MTARC1: variants seen among roughly 807,000 people sequenced by gnomAD.
The protein encoded by MTARC1 is mitochondrial amidoxime reducing component 1.
Under a neutral mutation model 33.6 loss-of-function variants are expected in MTARC1, and 24 were observed. That is an observed-to-expected ratio of 0.72 (90% CI 0.52 to 1.01). MTARC1 has a LOEUF of 1.01. MTARC1 is among the 50% of genes least tolerant of loss of function. The probability of loss-of-function intolerance (pLI) is 0.00; values close to 1 mark genes in which losing one functional copy is unlikely to be tolerated. For synonymous variants in MTARC1, 187 were observed against 189.5 expected (o/e 0.99, Z 0.11); for missense variants, 417 against 445.7 (o/e 0.94, Z 0.58).
At chr1:220,788,821 C>T (rs773696588) in intron 1 of MTARC1, among the ~76,000 whole-genome samples, 7 of 150,610 alleles carry the variant, frequency 4.6e-5, no homozygotes, top group East Asian at 3.9e-4. Flanking sequence ...ATCCATGTTT[C>T]GTATAGTAGG....
rs201892268 is a variant in MTARC1 at position 220,787,175 on chromosome 1, G to C, written c.231G>C (p.Ala77=). The stretch of plus-strand genomic sequence containing the variant: ...GCAAGGGGGTGCCGGTGAGCGAGGC[G>C]GAGTGCACGGCCATGGGGCTGCGCA... The part of the protein sequence containing the change: ...KSCKGVPVSE[A]ECTAMGLRSG... Residue 77 remains alanine (A), a synonymous_variant, in exon 1 of 7, where the codon GCG becomes GCC. Coordinates refer to ENST00000366910, the MANE Select transcript of MTARC1 (RefSeq NM_022746.4). The C allele has an allele frequency of 5.7e-6, 9 of 1,580,036 alleles. No individual in the cohort carries two copies. The highest frequency in any genetic ancestry group is 7.7e-6 in the Non-Finnish European group (9 of 1,163,842).
At chr1:220,803,959 T>A (rs1672891322) in intron 4 of MTARC1, among the ~76,000 whole-genome samples, 1 of 152,182 alleles carries the variant, frequency 6.6e-6, no homozygotes, top group Admixed American at 6.5e-5. Flanking sequence ...GTCATATATA[T>A]CAAGAATAAC....
At chr1:220,807,144 A>C (rs1458037725) in intron 6 of MTARC1, among the ~76,000 whole-genome samples, 1 of 152,236 alleles carries the variant, frequency 6.6e-6, no homozygotes, top group Non-Finnish European at 1.5e-5. Context: ...CACCTCAAAA[A>C]AAAAAGCAAA....
chr1:220,790,304 C>A (rs922067176), intron 1 of MTARC1, among the ~76,000 whole-genome samples: 1 of 151,974 alleles, frequency 6.6e-6, no homozygotes, highest in Non-Finnish European at 1.5e-5. Flanking sequence ...ATGGCTGGAG[C>A]AACAGCTGGA....
chr1:220,804,130 G>A (rs1273380952), intron 4 of MTARC1, among the ~76,000 whole-genome samples: 1 of 152,054 alleles, frequency 6.6e-6, no homozygotes, highest in Non-Finnish European at 1.5e-5. Flanking sequence ...CCTCCTCAGC[G>A]CCCTTCCTTC....
chr1:220,793,043 TAAG>T (rs1672480478), intron 2 of MTARC1: 1 of 152,198 alleles, frequency 6.6e-6, no homozygotes, highest in Non-Finnish European at 1.5e-5. Flanking sequence ...TTGCTTGAAA[TAAG>T]AATATGGATC....
Position 220,788,751 on chromosome 1 carries a change from T to A in MTARC1, c.275+1532T>A, listed in dbSNP as rs540363716. On this transcript the variant is annotated intron_variant, in intron 1 of 6. Coordinates refer to ENST00000366910, the MANE Select transcript of MTARC1 (RefSeq NM_022746.4). Reference sequence around the variant, plus strand: ...TTGCAGAGCTCCACTGTGGCAGAGATCTCGCCACTGCACTCCAGTCTGAGC... The same window carrying A: ...TTGCAGAGCTCCACTGTGGCAGAGAACTCGCCACTGCACTCCAGTCTGAGC... 4.7e-5 allele frequency among the ~76,000 whole-genome samples: 7 copies of A among 149,194 alleles called. 1 individual carries two copies. In the South Asian group the frequency reaches 1.3e-3, roughly 27 times the overall value.
Position 220,815,530 on chromosome 1 carries a change from G to C in MTARC1, c.*2112G>C, listed in dbSNP as rs963419228. 2 of 152,248 alleles carry C rather than the reference G, an allele frequency of 1.3e-5. No individual in the cohort carries two copies. The highest frequency in any genetic ancestry group is 4.8e-5 in the African/African-American group (2 of 41,458). The allele number at this position is 152,248 out of a possible 1,614,324, so 9.4% of individuals were successfully genotyped here. On this transcript the variant is annotated 3_prime_UTR_variant, in exon 7 of 7. Transcript: ENST00000366910. Reference sequence around the variant, plus strand: ...CAGACCTGTCCTTCTGTGCCTCACAGTGTGAGGAAGATTCCTGTTTGAAGA... The same window carrying C: ...CAGACCTGTCCTTCTGTGCCTCACACTGTGAGGAAGATTCCTGTTTGAAGA...
At chr1:220,798,406 C>T (rs1672688617) in intron 4 of MTARC1, 1 of 1,175,544 alleles carries the variant, frequency 8.5e-7, no homozygotes, top group South Asian at 1.7e-5. Flanking sequence ...TTGGAGAAGA[C>T]AGGCATTTAC....
At chr1:220,789,802 A>G (rs1296326229) in intron 1 of MTARC1, among the ~76,000 whole-genome samples, 1 of 152,258 alleles carries the variant, frequency 6.6e-6, no homozygotes, top group East Asian at 1.9e-4. Context: ...TAATTGAAAT[A>G]AGCTAGACAC....
chr1:220,813,298 CCA>C lies in MTARC1; in HGVS notation c.895_896del (p.Gln299ValfsTer2). On this transcript the variant is annotated frameshift_variant, in exon 7 of 7. Coordinates refer to ENST00000366910, the MANE Select transcript of MTARC1 (RefSeq NM_022746.4). LOFTEE classifies it low-confidence loss of function (END_TRUNC). Reference protein sequence around the residue: ...EPLETLKSYRQCDPSERKLYG... With the variant: ...EPLETLKSYRXCDPSERKLYG... ...TGATCTTTTCCTATTGCAGTTATCG[CCA>C]GTGTGACCCTTCAGAACGAAAGTTA... 6.2e-7 allele frequency: 1 copy of C among 1,614,044 alleles called. No individual in the cohort carries two copies.
rs192692604 is a variant in MTARC1 at position 220,804,577 on chromosome 1, C to G, written c.754-475C>G. Among the ~76,000 whole-genome samples the G allele has an allele frequency of 1.3e-3, 205 of 152,180 alleles. 1 individual carries two copies. Among genetic ancestry groups the G allele is most frequent in the African/African-American group, 4.8e-3 (200 of 41,514 alleles). On this transcript the variant is annotated intron_variant, in intron 4 of 6. Transcript: ENST00000366910. ...CTGCTGGTCCTGCTCCTGATGTGTCCGTATCTGGCTAGGGGAGACATGCAC... is the reference window on the plus strand; with the variant it reads ...CTGCTGGTCCTGCTCCTGATGTGTCGGTATCTGGCTAGGGGAGACATGCAC...
At chr1:220,790,937 A>G (rs939843798) in intron 1 of MTARC1, 3 of 152,330 alleles carry the variant, frequency 2.0e-5, no homozygotes, top group Non-Finnish European at 2.9e-5. Flanking sequence ...CAGAATGGAC[A>G]GCACTGAATG....
At chr1:220,808,729 A>G (rs1024485230) in intron 6 of MTARC1, 13 of 436,212 alleles carry the variant, frequency 3.0e-5, no homozygotes, top group African/African-American at 6.1e-5. Flanking sequence ...GTGGTACAGC[A>G]GTGGGAGGAA....
At chr1:220,795,445 C>T (rs566872308) in intron 2 of MTARC1, among the ~76,000 whole-genome samples, 1 of 152,302 alleles carries the variant, frequency 6.6e-6, no homozygotes, top group Admixed American at 6.5e-5. Flanking sequence ...GTAGGCCAAA[C>T]CATAAACCAC....
At chr1:220,792,636 A>G (rs1264553867) in intron 2 of MTARC1, among the ~76,000 whole-genome samples, 1 of 148,762 alleles carries the variant, frequency 6.7e-6, no homozygotes, top group African/African-American at 2.5e-5. Flanking sequence ...ATTGTTGAAA[A>G]TTTGGGAAAT....
At chr1:220,802,053 T>G (rs1351954748) in intron 4 of MTARC1, among the ~76,000 whole-genome samples, 1 of 152,056 alleles carries the variant, frequency 6.6e-6, no homozygotes, top group Non-Finnish European at 1.5e-5. Flanking sequence ...TACTGAAACG[T>G]TTCTCCTTTA....
chr1:220,787,693 C>T (rs922576335), intron 1 of MTARC1, among the ~76,000 whole-genome samples: 3 of 152,256 alleles, frequency 2.0e-5, no homozygotes, highest in South Asian at 4.1e-4. Flanking sequence ...GTAATGACAG[C>T]AGTTCAACGA....
chr1:220,798,139 A>G (rs753189981), intron 4 of MTARC1, 125 bp downstream of exon 4: 2 of 1,608,370 alleles, frequency 1.2e-6, no homozygotes, highest in Non-Finnish European at 1.7e-6. Flanking sequence ...ATACATAACA[A>G]TTTGATTTTT....
Sources: allele counts gnomAD v4.1 joint callset (sites outside exome capture counted in the v4.1 genomes callset), GRCh38; gene constraint gnomAD v4.1.1; transcripts MANE v1.5; gene names NCBI Gene and HGNC (gene_info 2026-07-23, HGNC 2026-07-21).